PHKB: variants seen among roughly 807,000 people sequenced by gnomAD.
The protein encoded by PHKB is phosphorylase kinase regulatory subunit beta.
A neutral mutation model predicts 152.1 loss-of-function variants in PHKB; 122 were observed. The observed-to-expected ratio is 0.80, with a 90% CI of 0.69 to 0.93. The LOEUF (loss-of-function observed/expected upper bound fraction) is 0.93, where lower values mean the gene tolerates loss of function less well. Among genes scored for constraint, PHKB ranks in the 40% least tolerant of loss-of-function variants. The pLI is 0.00. For synonymous variants in PHKB, 436 were observed against 464.9 expected, an observed-to-expected ratio of 0.94 and a Z score of 0.80; for missense variants, 1,304 against 1,328.4, an observed-to-expected ratio of 0.98 and a Z score of 0.29.
chr16:47,587,802 T>C, intron 9 of PHKB, 39 bp downstream of exon 9: 1 of 1,352,550 alleles, frequency 7.4e-7, no homozygotes, highest in Non-Finnish European at 1.1e-6. Flanking sequence ...CATGAACTAT[T>C]GTTTATGATT....
intron 14 of PHKB, among the ~76,000 whole-genome samples, chr16:47,621,081 A>G (rs1258947231): frequency 1.3e-5 from 2 of 152,180 alleles, no homozygotes; most frequent in Non-Finnish European, 2.9e-5. Context: ...TCACTGCAGT[A>G]TAATCTGGGG....
intron 26 of PHKB, among the ~76,000 whole-genome samples, chr16:47,673,611 C>G (rs887382932): frequency 2.0e-5 from 3 of 152,080 alleles, no homozygotes; most frequent in African/African-American, 7.2e-5. Flanking sequence ...GCCTTACAAT[C>G]GTACATCTCT....
At chr16:47,659,752 G>T (rs1003865550) in intron 20 of PHKB, among the ~76,000 whole-genome samples, 3 of 152,178 alleles carry the variant, frequency 2.0e-5, no homozygotes, top group Admixed American at 1.3e-4. Context: ...CCTATCATTG[G>T]ATGGCCCAGA....
At chr16:47,661,404 G>T in intron 22 of PHKB, among the ~76,000 whole-genome samples, 1 of 152,204 alleles carries the variant, frequency 6.6e-6, no homozygotes, top group Non-Finnish European at 1.5e-5. Flanking sequence ...CAAAATCAAT[G>T]TTAATGCTTG....
At chr16:47,549,294 G>A (rs1454901912) in intron 7 of PHKB, among the ~76,000 whole-genome samples, 1 of 152,156 alleles carries the variant, frequency 6.6e-6, no homozygotes, top group Non-Finnish European at 1.5e-5. Context: ...ATGATTATCA[G>A]ATATCTTCCT....
chr16:47,673,978 T>C (rs1973681695), intron 26 of PHKB, among the ~76,000 whole-genome samples: 1 of 152,188 alleles, frequency 6.6e-6, no homozygotes, highest in African/African-American at 2.4e-5. Context: ...TTCTTCAGTC[T>C]TGAGTACTTT....
intron 3 of PHKB, 88 bp downstream of exon 3, chr16:47,499,982 C>A: frequency 1.4e-6 from 2 of 1,475,938 alleles, no homozygotes; most frequent in Non-Finnish European, 1.9e-6. Context: ...TATCTTTTGG[C>A]TCTGCTGCTG....
At chr16:47,658,667 A>G (rs1461144763) in intron 20 of PHKB, among the ~76,000 whole-genome samples, 1 of 152,200 alleles carries the variant, frequency 6.6e-6, no homozygotes, top group African/African-American at 2.4e-5. Flanking sequence ...TAAGAGCAAT[A>G]GGCTGTGCCA....
chr16:47,598,989 C>T, intron 13 of PHKB: 2 of 1,036,078 alleles, frequency 1.9e-6, no homozygotes, highest in Non-Finnish European at 3.0e-6. Flanking sequence ...TGGTCTTCTT[C>T]AGCACACCCT....
chr16:47,579,787 A>T (rs1048973859), intron 7 of PHKB, among the ~76,000 whole-genome samples: 12 of 152,146 alleles, frequency 7.9e-5, no homozygotes, highest in Non-Finnish European at 1.8e-4. Flanking sequence ...TTGTTCTGTG[A>T]GCATAAAATA....
chr16:47,530,132 CTT>C (rs201960518), intron 6 of PHKB, among the ~76,000 whole-genome samples: 20 of 129,706 alleles, frequency 1.5e-4, no homozygotes, highest in Admixed American at 4.7e-4. Flanking sequence ...ATATAAACTC[CTT>C]TTTTTTTTTT....
At chr16:47,602,542 CT>C (rs34655174) in intron 13 of PHKB, among the ~76,000 whole-genome samples, 11,815 of 122,886 alleles carry the variant, frequency 0.096, 306 homozygotes, top group African/African-American at 0.15. Context: ...GCTTCTCTTC[CT>C]TTTTTTTTTT....
At chr16:47,573,281 C>T (rs186267850) in intron 7 of PHKB, among the ~76,000 whole-genome samples, 1 of 152,252 alleles carries the variant, frequency 6.6e-6, no homozygotes, top group Admixed American at 6.5e-5. Context: ...GGTCATGGAA[C>T]TCCCTAAAGT....
intron 4 of PHKB, among the ~76,000 whole-genome samples, chr16:47,509,876 C>T (rs1405203327): frequency 6.6e-6 from 1 of 152,150 alleles, no homozygotes; most frequent in Non-Finnish European, 1.5e-5. Flanking sequence ...AAAACAGATC[C>T]TATAGGTTCA....
intron 6 of PHKB, among the ~76,000 whole-genome samples, chr16:47,523,114 G>A (rs1389383373): frequency 6.6e-6 from 1 of 151,984 alleles, no homozygotes; most frequent in East Asian, 1.9e-4. Flanking sequence ...TCTTTGTCTA[G>A]TAAGTCCAGT....
chr16:47,502,596 A>G (rs1970341321), intron 3 of PHKB, among the ~76,000 whole-genome samples: 1 of 152,218 alleles, frequency 6.6e-6, no homozygotes, highest in African/African-American at 2.4e-5. Flanking sequence ...ACTTAAATCC[A>G]AGCGGCCATT....
chr16:47,504,142 G>T (rs1248650749), intron 4 of PHKB, among the ~76,000 whole-genome samples: 1 of 152,190 alleles, frequency 6.6e-6, no homozygotes, highest in Non-Finnish European at 1.5e-5. Flanking sequence ...TCAGCAAAGG[G>T]TCAAGGTGCA....
At chr16:47,676,269 AAGGG>A (rs1432306101) in intron 26 of PHKB, 2 of 152,210 alleles carry the variant, frequency 1.3e-5, no homozygotes, top group East Asian at 1.9e-4. Flanking sequence ...TTTTAAAAGA[AAGGG>A]AGGGGATTTA....
chr16:47,577,842 A>G (rs537419119), intron 7 of PHKB, among the ~76,000 whole-genome samples: 3 of 152,156 alleles, frequency 2.0e-5, no homozygotes, highest in Non-Finnish European at 2.9e-5. Flanking sequence ...TTTAAAATTT[A>G]TTCTGTTTGT....
Sources: gnomAD v4.1 joint callset for allele counts (sites outside exome capture counted in the v4.1 genomes callset) on GRCh38, gnomAD v4.1.1 for gene constraint, MANE v1.5 for transcripts, NCBI Gene and HGNC (gene_info 2026-07-23, HGNC 2026-07-21) for gene names.